Variants in RGS5 observed in about 807,000 individuals in gnomAD.
The protein encoded by RGS5 is regulator of G-protein signalling 5.
Under a neutral mutation model 18.9 loss-of-function variants are expected in RGS5, and 20 were observed. The ratio of observed to expected loss-of-function variants is 1.06; its 90% CI spans 0.74 to 1.54. The LOEUF is 1.54. RGS5 is among the 40% of genes most tolerant of loss of function. The pLI is 0.00. For missense variants in RGS5, 201 were observed against 211.8 expected (o/e 0.95, Z 0.32); for synonymous variants, 57 against 76.2 (o/e 0.75, Z 1.31).
At chr1:163,194,042 GTAAA>G (rs756110104) in intron 1 of RGS5, among the ~76,000 whole-genome samples, 3 of 152,112 alleles carry the variant, frequency 2.0e-5, no homozygotes, top group Non-Finnish European at 4.4e-5. Flanking sequence ...GAAGTTAACT[GTAAA>G]TAAAGTGCAA....
chr1:163,159,161 T>C (rs529469372), intron 3 of RGS5, among the ~76,000 whole-genome samples: 1 of 152,190 alleles, frequency 6.6e-6, no homozygotes, highest in Admixed American at 6.5e-5. Flanking sequence ...CCAGATTTCA[T>C]AGTGTTCAAA....
At chr1:163,255,194 G>A (rs1476802141) in intron 2 of RGS5, among the ~76,000 whole-genome samples, 1 of 152,092 alleles carries the variant, frequency 6.6e-6, no homozygotes, top group Non-Finnish European at 1.5e-5. Context: ...GAAAGTCATT[G>A]GTAGCTTGAT....
intron 2 of RGS5, among the ~76,000 whole-genome samples, chr1:163,301,682 C>G (rs1649557418): frequency 1.3e-5 from 2 of 152,154 alleles, no homozygotes; most frequent in African/African-American, 4.8e-5. Context: ...CTGCTCAATT[C>G]TCCCCTTCAC....
Position 163,199,494 on chromosome 1 carries a change from C to T in RGS5, c.44+3298G>A, listed in dbSNP as rs376550548. On this transcript the variant is annotated intron_variant, in intron 1 of 4. Transcript: ENST00000313961. ...ATTGTTGAAATTTTCTTACTTTATGCGGCAGATTTTTGGATATCCTTACCC... is the reference window on the plus strand; with the variant it reads ...ATTGTTGAAATTTTCTTACTTTATGTGGCAGATTTTTGGATATCCTTACCC... 1.6e-4 allele frequency among the ~76,000 whole-genome samples: 25 copies of T among 152,124 alleles called. No homozygotes were observed. The South Asian group carries it at 2.9e-3, about 18-fold the overall frequency.
At chr1:163,245,239 T>A (rs1045024590) in intron 2 of RGS5, among the ~76,000 whole-genome samples, 1 of 152,186 alleles carries the variant, frequency 6.6e-6, no homozygotes, top group African/African-American at 2.4e-5. Flanking sequence ...TCCAGCTTAA[T>A]CCTCTCCTAT....
chr1:163,164,423 A>C (rs939791462), intron 2 of RGS5, among the ~76,000 whole-genome samples: 2 of 152,198 alleles, frequency 1.3e-5, no homozygotes, highest in Non-Finnish European at 2.9e-5. Context: ...TGCCTAGTAT[A>C]AATGCCACCT....
chr1:163,246,544 C>T (rs1647944384), intron 2 of RGS5, among the ~76,000 whole-genome samples: 1 of 152,150 alleles, frequency 6.6e-6, no homozygotes, highest in South Asian at 2.1e-4. Flanking sequence ...GCACTCCAGC[C>T]TGGGCGACAC....
upstream of RGS5, chr1:163,202,963 C>G (rs1413010574): frequency 1.2e-6 from 1 of 805,416 alleles, no homozygotes; most frequent in Non-Finnish European, 2.0e-6. Context: ...TTTCCCAGCC[C>G]TCTGTTGCTC....
At chr1:163,156,600 A>G (rs1657590043) in intron 3 of RGS5, among the ~76,000 whole-genome samples, 2 of 152,116 alleles carry the variant, frequency 1.3e-5, no homozygotes, top group Non-Finnish European at 2.9e-5. Context: ...TCTCTTTTGC[A>G]TCCCACCTCC....
chr1:163,318,321 A>G (rs1423252646), intron 1 of RGS5, among the ~76,000 whole-genome samples: 1 of 152,146 alleles, frequency 6.6e-6, no homozygotes, highest in Non-Finnish European at 1.5e-5. Context: ...GCAGAGGAAG[A>G]TTAGAAATTT....
At chr1:163,307,713 T>C (rs1649743477) in intron 1 of RGS5, among the ~76,000 whole-genome samples, 1 of 152,204 alleles carries the variant, frequency 6.6e-6, no homozygotes, top group African/African-American at 2.4e-5. Flanking sequence ...TCAGAAATTC[T>C]TGATACTACT....
chr1:163,239,598 G>GT (rs534528383), intron 2 of RGS5, among the ~76,000 whole-genome samples: 186 of 152,056 alleles, frequency 1.2e-3, no homozygotes, highest in African/African-American at 4.1e-3. Context: ...AATAAGGCTA[G>GT]TTTTTTCTTC....
intron 1 of RGS5, among the ~76,000 whole-genome samples, chr1:163,170,600 C>G (rs768680346): frequency 5.9e-5 from 9 of 152,164 alleles, no homozygotes; most frequent in Non-Finnish European, 1.3e-4. Context: ...CCTGTGGTAA[C>G]TTATAAAAAC....
chr1:163,294,199 T>C (rs996413718), intron 2 of RGS5, among the ~76,000 whole-genome samples: 15 of 152,332 alleles, frequency 9.8e-5, no homozygotes, highest in African/African-American at 3.6e-4. Context: ...ATTTCCTTTC[T>C]GCATTGCCCT....
intron 2 of RGS5, among the ~76,000 whole-genome samples, chr1:163,258,399 A>G (rs2814370): frequency 0.9 from 137,179 of 151,920 alleles, 62,609 homozygotes; most frequent in Non-Finnish European, 0.97. Flanking sequence ...TTCCCCTTCT[A>G]TGTCTTTGTA....
At chr1:163,215,288 C>A (rs1660193328) in intron 1 of RGS5, among the ~76,000 whole-genome samples, 1 of 152,160 alleles carries the variant, frequency 6.6e-6, no homozygotes, top group South Asian at 2.1e-4. Flanking sequence ...AGCCCTGCTG[C>A]TTGGGTTTAC....
At chr1:163,256,005 T>C (rs1648261757) in intron 2 of RGS5, among the ~76,000 whole-genome samples, 1 of 152,116 alleles carries the variant, frequency 6.6e-6, no homozygotes, top group Non-Finnish European at 1.5e-5. Flanking sequence ...GCCAATATCA[T>C]ACTCAATGGG....
chr1:163,193,039 C>G (rs12119417), intron 1 of RGS5, among the ~76,000 whole-genome samples: 22,936 of 152,200 alleles, frequency 0.15, 1,777 homozygotes, highest in South Asian at 0.26. Context: ...TTGACCAAAA[C>G]AGCTCCACAT....
At chr1:163,297,349 T>C (rs1473392488) in intron 2 of RGS5, among the ~76,000 whole-genome samples, 1 of 152,182 alleles carries the variant, frequency 6.6e-6, no homozygotes, top group East Asian at 1.9e-4. Context: ...AGTCCAGTGA[T>C]AGCTGGACAC....
Sources: allele counts gnomAD v4.1 joint callset (sites outside exome capture counted in the v4.1 genomes callset), GRCh38; gene constraint gnomAD v4.1.1; transcripts MANE v1.5; gene names NCBI Gene and HGNC (gene_info 2026-07-23, HGNC 2026-07-21).